The following KCNIP1 variants were observed in gnomAD, a reference collection of about 807,000 sequenced individuals.
The protein encoded by KCNIP1 is A-type potassium channel modulatory protein KCNIP1.
A neutral mutation model predicts 33.0 loss-of-function variants in KCNIP1; 18 were observed. That is an observed-to-expected ratio of 0.55 (90% CI 0.38 to 0.81). The LOEUF (loss-of-function observed/expected upper bound fraction) is 0.81. Among genes scored for constraint, KCNIP1 ranks in the 30% least tolerant of loss-of-function variants. KCNIP1 has a pLI of 0.00. For missense variants in KCNIP1, 238 were observed against 271.6 expected (o/e 0.88, Z 0.87); for synonymous variants, 93 against 98.3 (o/e 0.95, Z 0.32).
At chr5:170,526,176 C>G (rs138078194) in intron 1 of KCNIP1, among the ~76,000 whole-genome samples, 5 of 152,212 alleles carry the variant, frequency 3.3e-5, no homozygotes, top group Middle Eastern at 3.2e-3. Context: ...TGTCACCCTC[C>G]TGGGCACCCC....
chr5:170,422,187 A>C (rs1755511202), intron 1 of KCNIP1: 1 of 152,216 alleles, frequency 6.6e-6, no homozygotes, highest in South Asian at 2.1e-4. Context: ...AAACAGCATC[A>C]AGGATGTACA....
rs569512919 is a variant in KCNIP1, at chr5:170,667,180, C to T, written c.62-51578C>T. ...ATATAAAATAAGCTGGGCGGGGTGG[C>T]AGGCACCTGTAATCCCAGCTACCCG... On this transcript the variant is annotated intron_variant, in intron 1 of 7. Coordinates refer to ENST00000328939, the MANE Select transcript of KCNIP1 (RefSeq NM_014592.4). Among the ~76,000 whole-genome samples, 29 of 152,094 alleles carry T rather than the reference C, an allele frequency of 1.9e-4. No individual in the cohort carries two copies. The East Asian group carries it at 2.3e-3, about 12-fold the overall frequency.
At chr5:170,553,687 T>G (rs544349486) in intron 1 of KCNIP1, among the ~76,000 whole-genome samples, 48 of 152,318 alleles carry the variant, frequency 3.2e-4, no homozygotes, top group African/African-American at 9.9e-4. Context: ...GGCCTTTCAT[T>G]CCTAGCTGCA....
At chr5:170,718,131 T>G (rs115534123) in intron 1 of KCNIP1, among the ~76,000 whole-genome samples, 3,674 of 152,342 alleles carry the variant, frequency 0.024, 63 homozygotes, top group Non-Finnish European at 0.032. Context: ...TTACAACAAC[T>G]GTTTTTAGAG....
At chr5:170,734,039 T>G in intron 7 of KCNIP1, 141 bp downstream of exon 7, 1 of 640,158 alleles carries the variant, frequency 1.6e-6, no homozygotes, top group Admixed American at 2.8e-5. Flanking sequence ...CAGCAACAAC[T>G]GTGAAGTCCA....
intron 1 of KCNIP1, chr5:170,681,411 G>A (rs775653983): frequency 3.0e-6 from 1 of 334,398 alleles, no homozygotes; most frequent in Non-Finnish European, 5.4e-6. Flanking sequence ...CAGGAAGTTA[G>A]GGTCTCCTGC....
intron 1 of KCNIP1, among the ~76,000 whole-genome samples, chr5:170,399,521 A>G (rs2113381468): frequency 6.6e-6 from 1 of 152,360 alleles, no homozygotes; most frequent in South Asian, 2.1e-4. Flanking sequence ...GATAATACAG[A>G]AAAGTAAAAA....
intron 1 of KCNIP1, among the ~76,000 whole-genome samples, chr5:170,442,950 C>T (rs949165634): frequency 2.0e-5 from 3 of 152,160 alleles, no homozygotes; most frequent in Non-Finnish European, 4.4e-5. Flanking sequence ...CAGCCCCAGG[C>T]CTATTTGGAT....
At chr5:170,399,342 C>T (rs314134) in intron 1 of KCNIP1, among the ~76,000 whole-genome samples, 4,926 of 152,212 alleles carry the variant, frequency 0.032, 167 homozygotes, top group African/African-American at 0.085. Flanking sequence ...ACCTTAAACA[C>T]GCTTTGTGAA....
At chr5:170,403,898 C>G (rs893094507) in intron 1 of KCNIP1, among the ~76,000 whole-genome samples, 6 of 152,128 alleles carry the variant, frequency 3.9e-5, no homozygotes, top group African/African-American at 1.4e-4. Flanking sequence ...GCACTGCATA[C>G]CAGAGGGATT....
At chr5:170,633,226 A>C (rs1418111846) in intron 1 of KCNIP1, among the ~76,000 whole-genome samples, 3 of 151,798 alleles carry the variant, frequency 2.0e-5, no homozygotes, top group African/African-American at 4.8e-5. Flanking sequence ...GCGGAGCGGG[A>C]CCCTCCGAAG....
intron 1 of KCNIP1, among the ~76,000 whole-genome samples, chr5:170,563,791 C>T (rs1359164436): frequency 6.6e-6 from 1 of 151,986 alleles, no homozygotes; most frequent in East Asian, 1.9e-4. Context: ...CAGGCATGTG[C>T]CCCCACACCT....
chr5:170,550,465 ATGG>A (rs1197246625), intron 1 of KCNIP1, among the ~76,000 whole-genome samples: 2 of 151,914 alleles, frequency 1.3e-5, no homozygotes, highest in Non-Finnish European at 2.9e-5. Context: ...AATGATGATG[ATGG>A]TGATGATGAT....
At chr5:170,670,902 C>CA (rs71310043) in intron 1 of KCNIP1, among the ~76,000 whole-genome samples, 14,048 of 93,754 alleles carry the variant, frequency 0.15, 790 homozygotes, top group African/African-American at 0.23. Flanking sequence ...TCTCAAAAAA[C>CA]AAAAAAAAAA....
chr5:170,595,622 A>G (rs931863672), intron 1 of KCNIP1, among the ~76,000 whole-genome samples: 1 of 152,144 alleles, frequency 6.6e-6, no homozygotes, highest in Non-Finnish European at 1.5e-5. Flanking sequence ...GGGCAAGGAG[A>G]AAAAAACAAG....
At chr5:170,537,104 C>A (rs1249648825) in intron 1 of KCNIP1, among the ~76,000 whole-genome samples, 2 of 152,202 alleles carry the variant, frequency 1.3e-5, no homozygotes, top group Non-Finnish European at 2.9e-5. Flanking sequence ...CACCTCACTT[C>A]AGGTTGGTGG....
chr5:170,408,007 C>T (rs827785), intron 1 of KCNIP1, among the ~76,000 whole-genome samples: 148,554 of 152,314 alleles, frequency 0.98, 72,454 homozygotes, highest in East Asian at 1. Flanking sequence ...TCAGCCTCAA[C>T]TTTCCCACCT....
intron 1 of KCNIP1, among the ~76,000 whole-genome samples, chr5:170,523,145 C>A (rs1295957604): frequency 6.6e-6 from 1 of 152,122 alleles, no homozygotes; most frequent in African/African-American, 2.4e-5. Context: ...TTCAGGAAGC[C>A]CAACCAAGTG....
At chr5:170,451,723 T>TGTGTGTGTGTGTGTGTGTGTGTGTGTGTG (rs1756255311) in intron 1 of KCNIP1, among the ~76,000 whole-genome samples, 1 of 122,902 alleles carries the variant, frequency 8.1e-6, no homozygotes, top group African/African-American at 3.2e-5. Flanking sequence ...TTCTCCTGCA[T>TGTGTGTGTGTGTGTGTGTGTGTGTGTGTG]TGTGTGTGTG....
Sources: allele counts gnomAD v4.1 joint callset (sites outside exome capture counted in the v4.1 genomes callset), GRCh38; gene constraint gnomAD v4.1.1; transcripts MANE v1.5; gene names NCBI Gene and HGNC (gene_info 2026-07-23, HGNC 2026-07-21).